Variants in C2orf42 observed in about 807,000 individuals in gnomAD.
C2orf42 encodes uncharacterized protein C2orf42.
Under a neutral mutation model 58.9 loss-of-function variants are expected in C2orf42, and 44 were observed. That is an observed-to-expected ratio of 0.75 (90% CI 0.59 to 0.96). The LOEUF (loss-of-function observed/expected upper bound fraction) is 0.96. Ranked by LOEUF, C2orf42 falls within the 40% of genes least tolerant of loss-of-function variation. The pLI is 0.00. For synonymous variants in C2orf42, 239 were observed against 265.4 expected, an observed-to-expected ratio of 0.90 and a Z score of 0.97; for missense variants, 630 against 699.2, an observed-to-expected ratio of 0.90 and a Z score of 1.12.
chr2:70,154,575 G>A (rs1672540268), intron 9 of C2orf42, among the ~76,000 whole-genome samples: 2 of 152,010 alleles, frequency 1.3e-5, no homozygotes, highest in South Asian at 4.1e-4. Flanking sequence ...CAGGAATTTA[G>A]CCTAAGATAA....
chr2:70,169,746 A>G, intron 5 of C2orf42, 85 bp from the exon 6 acceptor site: 1 of 709,044 alleles, frequency 1.4e-6, no homozygotes. Flanking sequence ...GAAAAAGTTA[A>G]CAAGTTTTTT....
chr2:70,181,280 C>A lies in C2orf42; in HGVS notation c.706G>T (p.Ala236Ser). 6.2e-7 allele frequency: 1 copy of A among 1,613,836 alleles called. No individual in the cohort carries two copies. The highest frequency in any genetic ancestry group is 1.6e-4 in the Middle Eastern group (1 of 6,062). Reference sequence around the variant, plus strand: ...CTCTGGGCTGTCTCATCCTTGGAGGCATTTGACTTGTGCGATTTCAGAGTC... The same window carrying A: ...CTCTGGGCTGTCTCATCCTTGGAGGAATTTGACTTGTGCGATTTCAGAGTC... ...CQTLKSHKSNASKDETAQRCI... is the reference protein window; with the variant it reads ...CQTLKSHKSNSSKDETAQRCI... The change falls in exon 3 of 10, where the codon GCC (alanine) becomes TCC (serine). Residue 236 changes from alanine (A) to serine (S), a missense_variant. By Grantham distance (99) the Ala-to-Ser change is moderately conservative. Transcript: ENST00000264434.
At chr2:70,184,043 T>G (rs575487944) in intron 1 of C2orf42, among the ~76,000 whole-genome samples, 1 of 152,278 alleles carries the variant, frequency 6.6e-6, no homozygotes, top group Admixed American at 6.6e-5. Context: ...ACTCCTGGCC[T>G]CAAGCGCTCC....
At chr2:70,186,306 G>A (rs1271573597) in intron 1 of C2orf42, among the ~76,000 whole-genome samples, 2 of 150,930 alleles carry the variant, frequency 1.3e-5, no homozygotes, top group African/African-American at 4.9e-5. Flanking sequence ...ATACGTATAT[G>A]TATATATACA....
At chr2:70,167,963 T>C (rs971766775) in intron 6 of C2orf42, among the ~76,000 whole-genome samples, 12 of 151,892 alleles carry the variant, frequency 7.9e-5, no homozygotes, top group Non-Finnish European at 1.3e-4. Flanking sequence ...CTGGGCACGG[T>C]GGTTCACGCC....
At position 70,182,319 on chromosome 2, in the gene C2orf42, C is replaced by T. The variant is rs150517027; in HGVS notation, c.-12-322G>A. ...TTGACCATGTTGGCCAGGCTGGCCTCGAACTCCTGACCTTGTGATCCGCCT... is the reference window on the plus strand; with the variant it reads ...TTGACCATGTTGGCCAGGCTGGCCTTGAACTCCTGACCTTGTGATCCGCCT... On this transcript the variant is annotated intron_variant, in intron 2 of 9. Coordinates refer to ENST00000264434, the MANE Select transcript of C2orf42 (RefSeq NM_017880.3). The T allele has an allele frequency of 6.2e-3, 1,186 of 192,824 alleles. 14 individuals carry two copies. The highest frequency in any genetic ancestry group is 0.024 in the African/African-American group (1,041 of 42,720). 11.9% of individuals were successfully genotyped at this position (192,824 alleles called of 1,614,324 possible). A position where few individuals can be genotyped will look rare whatever the true frequency, so the allele number is the denominator to read the frequency against.
At chr2:70,167,461 C>T (rs1379189365) in intron 6 of C2orf42, among the ~76,000 whole-genome samples, 2 of 152,022 alleles carry the variant, frequency 1.3e-5, no homozygotes, top group African/African-American at 4.8e-5. Context: ...TCTGTCCAGA[C>T]CAGGTGTGGT....
rs781188603 is a variant in C2orf42 at position 70,175,751 on chromosome 2, G to A, written c.961C>T (p.Pro321Ser). Residue 321 changes from proline (P) to serine (S), a missense_variant, in exon 5 of 10, where the codon CCT becomes TCT. Coordinates refer to ENST00000264434, the MANE Select transcript of C2orf42 (RefSeq NM_017880.3). ...AGATTACTGCTCACTGCATCTTGAG[G>A]CAGTAGTGAACTGTTCATCTGTGCA... ...SGAQMNSSLL[P>S]QDAVSSNLRK... The A allele has an allele frequency of 4.9e-5, 79 of 1,611,532 alleles. No homozygotes were observed. Among genetic ancestry groups the A allele is most frequent in the Non-Finnish European group, 6.4e-5 (75 of 1,177,822 alleles).
intron 3 of C2orf42, 109 bp downstream of exon 3, chr2:70,181,054 C>G: frequency 2.9e-6 from 1 of 350,286 alleles, no homozygotes. Flanking sequence ...TTTGAATTAT[C>G]TAGCAACTGT....
At chr2:70,179,709 G>A (rs1674425926) in intron 3 of C2orf42, 67 bp from the exon 4 acceptor site, 1 of 567,312 alleles carries the variant, frequency 1.8e-6, no homozygotes, top group Non-Finnish European at 3.2e-6. Context: ...AGGCCTCTAT[G>A]TAGCGAAAAG....
intron 1 of C2orf42, among the ~76,000 whole-genome samples, chr2:70,186,725 T>G (rs984401795): frequency 6.6e-6 from 1 of 152,114 alleles, no homozygotes; most frequent in African/African-American, 2.4e-5. Context: ...AATGATAGAC[T>G]GGATTAAGAA....
intron 1 of C2orf42, among the ~76,000 whole-genome samples, chr2:70,187,783 C>T (rs1156543662): frequency 1.3e-5 from 2 of 151,744 alleles, no homozygotes; most frequent in African/African-American, 2.4e-5. Flanking sequence ...CTCCGCCTCC[C>T]GGGTTCAAGC....
At position 70,168,967 on chromosome 2, in the gene C2orf42, G is replaced by C. The variant is rs560331445; in HGVS notation, c.1144+590C>G. ...TGACCTCAAGTGATCCGCCCACCTCGGCCTCCCAAAGTGTCGGATTACAGG... is the reference window on the plus strand; with the variant it reads ...TGACCTCAAGTGATCCGCCCACCTCCGCCTCCCAAAGTGTCGGATTACAGG... On this transcript the variant is annotated intron_variant, in intron 6 of 9. Coordinates refer to ENST00000264434, the MANE Select transcript of C2orf42 (RefSeq NM_017880.3). Among the ~76,000 whole-genome samples, 128 of 152,098 alleles carry C rather than the reference G, an allele frequency of 8.4e-4. 1 individual carries two copies. The highest frequency in any genetic ancestry group is 3.4e-3 in the Middle Eastern group (1 of 294).
intron 5 of C2orf42, among the ~76,000 whole-genome samples, chr2:70,171,139 G>A (rs897550262): frequency 6.6e-6 from 1 of 151,588 alleles, no homozygotes; most frequent in Admixed American, 6.6e-5. Context: ...AACCTGGCAT[G>A]GTGGTGCGTG....
chr2:70,181,151 C>A lies in C2orf42; in HGVS notation c.823+12G>T. 6.7e-7 allele frequency: 1 copy of A among 1,493,984 alleles called. No individual in the cohort carries two copies. The highest frequency in any genetic ancestry group is 1.3e-5 in the South Asian group (1 of 79,074). 92.5% of individuals were successfully genotyped at this position (1,493,984 alleles called of 1,614,324 possible). On this transcript the variant is annotated intron_variant, in intron 3 of 9. Transcript: ENST00000264434. ...AGAAAAACGTAATAACCACATCAACCATACCACCTACCGCTGGAATCAAAA... is the reference window on the plus strand; with the variant it reads ...AGAAAAACGTAATAACCACATCAACAATACCACCTACCGCTGGAATCAAAA...
intron 5 of C2orf42, among the ~76,000 whole-genome samples, chr2:70,174,544 G>A (rs1157577567): frequency 6.6e-6 from 1 of 152,092 alleles, no homozygotes; most frequent in Non-Finnish European, 1.5e-5. Flanking sequence ...CATGCATATA[G>A]TTCCATGCAA....
intron 1 of C2orf42, among the ~76,000 whole-genome samples, chr2:70,189,132 G>A (rs1462708202): frequency 6.6e-6 from 1 of 152,102 alleles, no homozygotes. Flanking sequence ...GCATGGCCGG[G>A]CACGGTGGCT....
intron 2 of C2orf42, 109 bp from the exon 3 acceptor site, chr2:70,182,106 A>ATC: frequency 2.0e-6 from 1 of 509,804 alleles, no homozygotes; most frequent in Non-Finnish European, 3.4e-6. Context: ...GCTATCTACT[A>ATC]TTTTTTTTTT....
intron 9 of C2orf42, among the ~76,000 whole-genome samples, chr2:70,156,579 G>A (rs940383485): frequency 1.3e-5 from 2 of 151,938 alleles, no homozygotes; most frequent in Non-Finnish European, 2.9e-5. Flanking sequence ...TAAAAAACAG[G>A]CCAGGCATGG....
Sources: gnomAD v4.1 joint callset for allele counts (sites outside exome capture counted in the v4.1 genomes callset) on GRCh38, gnomAD v4.1.1 for gene constraint, MANE v1.5 for transcripts, NCBI Gene and HGNC (gene_info 2026-07-23, HGNC 2026-07-21) for gene names.